XIRP2: variants seen among roughly 807,000 people sequenced by gnomAD.
XIRP2 encodes the protein xin actin-binding repeat-containing protein 2.
Under a neutral mutation model 277.0 loss-of-function variants are expected in XIRP2, and 236 were observed. The observed-to-expected ratio is 0.85, with a 90% CI of 0.77 to 0.95. The LOEUF is 0.95. XIRP2 is among the 40% of genes least tolerant of loss of function. The probability of loss-of-function intolerance (pLI) is 0.00; values close to 1 mark genes in which losing one functional copy is unlikely to be tolerated. For missense variants in XIRP2, 4,640 were observed against 4,157.5 expected (o/e 1.12, Z -3.19); for synonymous variants, 1,490 against 1,416.5 (o/e 1.05, Z -1.17).
At chr2:167,091,819 A>G (rs1690156416) in intron 2 of XIRP2, among the ~76,000 whole-genome samples, 1 of 152,174 alleles carries the variant, frequency 6.6e-6, no homozygotes, top group Non-Finnish European at 1.5e-5. Flanking sequence ...TAACCCAATC[A>G]GGGATTGAGA....
chr2:167,070,083 CCAAA>C (rs1689401535), intron 2 of XIRP2, among the ~76,000 whole-genome samples: 1 of 151,960 alleles, frequency 6.6e-6, no homozygotes, highest in Non-Finnish European at 1.5e-5. Flanking sequence ...GCTGAATGCT[CCAAA>C]CACTCTCTCA....
rs532717562 is a variant in XIRP2, at chr2:167,078,596, G to C, written c.409-57313G>C. 9.5e-4 allele frequency among the ~76,000 whole-genome samples: 144 copies of C among 152,198 alleles called. No homozygotes were observed. In the Middle Eastern group the frequency reaches 0.017, roughly 18 times the overall value. ...TCACGCCTGTAATCCCAGCACTTTGGGAGGCCGAGGTGGGCAGAACACGAG... is the reference window on the plus strand; with the variant it reads ...TCACGCCTGTAATCCCAGCACTTTGCGAGGCCGAGGTGGGCAGAACACGAG... On this transcript the variant is annotated intron_variant, in intron 2 of 10. Coordinates refer to ENST00000409195, the MANE Select transcript of XIRP2 (RefSeq NM_152381.6).
chr2:167,130,927 C>G (rs1691355271), intron 2 of XIRP2, among the ~76,000 whole-genome samples: 2 of 151,960 alleles, frequency 1.3e-5, no homozygotes, highest in Non-Finnish European at 2.9e-5. Context: ...TATTGGTAGC[C>G]CTGCAGAGTT....
intron 1 of XIRP2, among the ~76,000 whole-genome samples, chr2:166,899,717 G>A (rs1412306825): frequency 6.6e-6 from 1 of 152,108 alleles, no homozygotes; most frequent in African/African-American, 2.4e-5. Context: ...CATGGTTTCT[G>A]ATGAGAAATT....
chr2:167,081,320 A>G (rs1202613772), intron 2 of XIRP2, among the ~76,000 whole-genome samples: 2 of 152,132 alleles, frequency 1.3e-5, no homozygotes, highest in Non-Finnish European at 2.9e-5. Flanking sequence ...TAAAAATTAA[A>G]AAACTTAGTT....
intron 2 of XIRP2, among the ~76,000 whole-genome samples, chr2:167,130,469 A>AT (rs1457980891): frequency 1.3e-5 from 2 of 151,612 alleles, no homozygotes; most frequent in African/African-American, 4.8e-5. Context: ...CCTAGCTTTC[A>AT]TTTTTTGGTC....
At chr2:167,094,027 T>C (rs1690223408) in intron 2 of XIRP2, among the ~76,000 whole-genome samples, 1 of 151,666 alleles carries the variant, frequency 6.6e-6, no homozygotes, top group Non-Finnish European at 1.5e-5. Flanking sequence ...CATGAGATGG[T>C]ATCTCATTGT....
At chr2:166,913,249 C>A (rs1684762454) in intron 2 of XIRP2, among the ~76,000 whole-genome samples, 1 of 152,118 alleles carries the variant, frequency 6.6e-6, no homozygotes, top group African/African-American at 2.4e-5. Flanking sequence ...GCGGTGGGCT[C>A]CACCCAGTTC....
intron 2 of XIRP2, among the ~76,000 whole-genome samples, chr2:166,974,396 C>G (rs765661140): frequency 6.6e-6 from 1 of 151,782 alleles, no homozygotes; most frequent in Non-Finnish European, 1.5e-5. Context: ...ATTTTTTCCT[C>G]GTATATCTTT....
chr2:167,028,880 C>G (rs1347297624), intron 2 of XIRP2, among the ~76,000 whole-genome samples: 1 of 150,588 alleles, frequency 6.6e-6, no homozygotes, highest in Non-Finnish European at 1.5e-5. Context: ...ATAATTTTTG[C>G]AAGTCAAGCG....
intron 3 of XIRP2, among the ~76,000 whole-genome samples, chr2:167,198,241 G>A (rs575030320): frequency 1.6e-4 from 25 of 152,220 alleles, no homozygotes; most frequent in Non-Finnish European, 2.9e-4. Flanking sequence ...TTGAAATTAC[G>A]TGCTGCATTT....
Position 167,259,297 on chromosome 2 carries a change from G to A in XIRP2, c.*1480G>A. The A allele has an allele frequency of 2.5e-6, 4 of 1,613,256 alleles. No homozygotes were observed. Among genetic ancestry groups the A allele is most frequent in the Non-Finnish European group, 3.4e-6 (4 of 1,179,568 alleles). The stretch of plus-strand genomic sequence containing the variant: ...AGCCTTTGTTTCCCAGAGTGGAGGT[G>A]CAGTCAGAACAACTCACGGTGGAAG... On this transcript the variant is annotated 3_prime_UTR_variant, in exon 11 of 11. Coordinates refer to ENST00000409195, the MANE Select transcript of XIRP2 (RefSeq NM_152381.6).
In XIRP2 at chr2:167,245,203, G is replaced by T. The variant is rs974923806; in HGVS notation, c.3811G>T (p.Asp1271Tyr). Reference sequence around the variant, plus strand: ...GACGGTGACAGACATACAAGGTGGGGATGTAAGAAAGGGGTGCTTTATTTT... The same window carrying T: ...GACGGTGACAGACATACAAGGTGGGTATGTAAGAAAGGGGTGCTTTATTTT... ...VKTVTDIQGG[D>Y]VRKGCFIFET... The change falls in exon 9 of 11, where the codon GAT (aspartate) becomes TAT (tyrosine). Residue 1271 changes from aspartate (D) to tyrosine (Y), a missense_variant. Coordinates refer to ENST00000409195, the MANE Select transcript of XIRP2 (RefSeq NM_152381.6). 1.2e-6 allele frequency: 2 copies of T among 1,613,638 alleles called. No individual in the cohort carries two copies. The highest frequency in any genetic ancestry group is 1.3e-5 in the African/African-American group (1 of 74,874).
intron 2 of XIRP2, among the ~76,000 whole-genome samples, chr2:167,044,184 CT>C (rs1259592152): frequency 6.6e-6 from 1 of 152,082 alleles, no homozygotes; most frequent in Non-Finnish European, 1.5e-5. Flanking sequence ...ACATGATCAT[CT>C]CAATAGGTAC....
At chr2:166,910,620 T>C (rs1204637210) in intron 2 of XIRP2, among the ~76,000 whole-genome samples, 1 of 152,206 alleles carries the variant, frequency 6.6e-6, no homozygotes, top group Non-Finnish European at 1.5e-5. Flanking sequence ...CCTTCAGTTC[T>C]GCTCTGATCC....
intron 2 of XIRP2, among the ~76,000 whole-genome samples, chr2:166,934,195 CAAA>C (rs750753001): frequency 2.8e-5 from 2 of 71,574 alleles, no homozygotes; most frequent in African/African-American, 4.7e-5. Context: ...AAATCAACAG[CAAA>C]AAAAAAAAAA....
At chr2:166,913,311 C>CCG (rs1553469491) in intron 2 of XIRP2, among the ~76,000 whole-genome samples, 2 of 24,576 alleles carry the variant, frequency 8.1e-5, no homozygotes, top group Non-Finnish European at 3.3e-4. Context: ...ATGGTGGGCA[C>CCG]CCCCCCCCCC....
chr2:167,082,694 C>T (rs1016787661), intron 2 of XIRP2, among the ~76,000 whole-genome samples: 3 of 151,992 alleles, frequency 2.0e-5, no homozygotes, highest in Middle Eastern at 6.8e-3. Flanking sequence ...CTCTGATGGC[C>T]ACTGATGAGC....
chr2:167,250,634 A>G lies in XIRP2; in HGVS notation c.9242A>G (p.Gln3081Arg). The G allele has an allele frequency of 6.2e-7, 1 of 1,613,610 alleles. No homozygotes were observed. The highest frequency in any genetic ancestry group is 8.5e-7 in the Non-Finnish European group (1 of 1,179,732). ...AAAATTGCCAAAGAGAAAACAGTAC[A>G]GCACCAAGTAGCAGCTCATCATGAA... Reference protein sequence around the residue: ...ENKIAKEKTVQHQVAAHHEAT... With the variant: ...ENKIAKEKTVRHQVAAHHEAT... The change falls in exon 9 of 11, where the codon CAG becomes CGG. Residue 3081 changes from glutamine (Q) to arginine (R), a missense_variant. By Grantham distance (43) the Gln-to-Arg change is conservative (BLOSUM62 1). Coordinates refer to ENST00000409195, the MANE Select transcript of XIRP2 (RefSeq NM_152381.6).
Sources: gnomAD v4.1 joint callset for allele counts (sites outside exome capture counted in the v4.1 genomes callset) on GRCh38, gnomAD v4.1.1 for gene constraint, MANE v1.5 for transcripts, NCBI Gene and HGNC (gene_info 2026-07-23, HGNC 2026-07-21) for gene names.